DNAJC7: variants seen among roughly 807,000 people sequenced by gnomAD.
DNAJC7 encodes the protein dnaJ homolog subfamily C member 7.
DNAJC7 carries 18 observed loss-of-function variants against 67.4 expected under a neutral mutation model. That is an observed-to-expected ratio of 0.27 (90% CI 0.18 to 0.40). The LOEUF (loss-of-function observed/expected upper bound fraction) is 0.40. Among genes scored for constraint, DNAJC7 ranks in the 10% least tolerant of loss-of-function variants. The probability of loss-of-function intolerance (pLI) is 1.00; values close to 1 mark genes in which losing one functional copy is unlikely to be tolerated. For synonymous variants in DNAJC7, 220 were observed against 207.8 expected (o/e 1.06, Z -0.50); for missense variants, 419 against 613.8 (o/e 0.68, Z 3.35).
Position 41,976,487 on chromosome 17 carries a change from T to C in DNAJC7, c.*246A>G. On this transcript the variant is annotated 3_prime_UTR_variant, in exon 14 of 14. Transcript: ENST00000457167. Reference sequence around the variant, plus strand: ...TTTTTTTTTTCTTTTTTAATAAAGTTAAACAGTAAAACAAAAATTCACAAG... The same window carrying C: ...TTTTTTTTTTCTTTTTTAATAAAGTCAAACAGTAAAACAAAAATTCACAAG... 1 of 505,924 alleles carries C rather than the reference T, an allele frequency of 2.0e-6. No individual in the cohort carries two copies. The highest frequency in any genetic ancestry group is 3.7e-5 in the East Asian group (1 of 26,856). The allele number at this position is 505,924 out of a possible 1,614,324, so 31.3% of individuals were successfully genotyped here. A position where few individuals can be genotyped will look rare whatever the true frequency, so the allele number is the denominator to read the frequency against.
Position 41,995,989 on chromosome 17 carries a change from T to C in DNAJC7, c.405+322A>G, listed in dbSNP as rs543681230. Among the ~76,000 whole-genome samples the C allele has an allele frequency of 1.4e-3, 213 of 152,348 alleles. 1 individual carries two copies. Among genetic ancestry groups the C allele is most frequent in the African/African-American group, 4.9e-3 (202 of 41,584 alleles). Reference sequence around the variant, plus strand: ...GCCTGGCTAATGTAAAAAATTTTTTTGTGGAGACAGGGTCTCACTAAGTCC... The same window carrying C: ...GCCTGGCTAATGTAAAAAATTTTTTCGTGGAGACAGGGTCTCACTAAGTCC... On this transcript the variant is annotated intron_variant, in intron 4 of 13. Transcript: ENST00000457167.
intron 1 of DNAJC7, 36 bp downstream of exon 1, chr17:42,017,304 C>T: frequency 1.2e-6 from 2 of 1,610,036 alleles, no homozygotes; most frequent in Middle Eastern, 3.3e-4. Flanking sequence ...CACGGAGCTG[C>T]AGGTCGCCTC....
intron 2 of DNAJC7, among the ~76,000 whole-genome samples, chr17:41,997,925 T>G (rs1193498015): frequency 1.3e-5 from 2 of 152,150 alleles, no homozygotes; most frequent in Admixed American, 1.3e-4. Context: ...TGCAGTGGTA[T>G]GATCTCTGCT....
At chr17:41,980,690 G>A (rs139076648) in intron 12 of DNAJC7, among the ~76,000 whole-genome samples, 5 of 152,188 alleles carry the variant, frequency 3.3e-5, no homozygotes, top group African/African-American at 1.2e-4. Context: ...AAGCCACCGC[G>A]CCCAGCTCAC....
chr17:41,983,518 C>T (rs782208820), intron 10 of DNAJC7, 45 bp downstream of exon 10: 40 of 1,511,522 alleles, frequency 2.6e-5, no homozygotes, highest in African/African-American at 1.2e-4. Flanking sequence ...TTATGGCCTA[C>T]GAAGTCCACA....
chr17:41,990,130 G>T, intron 6 of DNAJC7, 134 bp downstream of exon 6: 1 of 791,120 alleles, frequency 1.3e-6, no homozygotes, highest in Non-Finnish European at 2.0e-6. Context: ...TCTAATCTTT[G>T]ACTTTAAGTC....
At chr17:42,002,842 G>A (rs1335048659) in intron 1 of DNAJC7, among the ~76,000 whole-genome samples, 1 of 152,114 alleles carries the variant, frequency 6.6e-6, no homozygotes, top group Non-Finnish European at 1.5e-5. Flanking sequence ...AAGACACACA[G>A]TACACCCCAC....
In DNAJC7 at chr17:41,982,157, T is replaced by A; in HGVS notation, c.1231+98A>T. 4 of 1,555,062 alleles carry A rather than the reference T, an allele frequency of 2.6e-6. No individual in the cohort carries two copies. In the South Asian group the frequency reaches 4.9e-5, roughly 19 times the overall value. Reference sequence around the variant, plus strand: ...AAGTCTGCAACACCTTATTCTCAGCTGAAGGACCTCTCCAAGGGGTCCCCT... The same window carrying A: ...AAGTCTGCAACACCTTATTCTCAGCAGAAGGACCTCTCCAAGGGGTCCCCT... On this transcript the variant is annotated intron_variant, in intron 11 of 13. Coordinates refer to ENST00000457167, the MANE Select transcript of DNAJC7 (RefSeq NM_003315.4).
At chr17:41,996,740 G>A (rs535929533) in intron 3 of DNAJC7, among the ~76,000 whole-genome samples, 1 of 152,254 alleles carries the variant, frequency 6.6e-6, no homozygotes, top group Admixed American at 6.5e-5. Context: ...CCGAGATCGC[G>A]CCACTGCACT....
rs369170177 is a variant in DNAJC7 at position 42,017,411 on chromosome 17, C to T, written c.6G>A (p.Ala2=). The change falls in exon 1 of 14, where the codon GCG becomes GCA. Residue 2 remains alanine (A), a synonymous_variant. Coordinates refer to ENST00000457167, the MANE Select transcript of DNAJC7 (RefSeq NM_003315.4). M[A]AAAECDVVMA... ...TTACCACATCGCACTCCGCGGCAGC[C>T]GCCATCTTACCGCCGGGACCAGAGA... The T allele has an allele frequency of 1.4e-5, 23 of 1,607,488 alleles. No individual in the cohort carries two copies. Among genetic ancestry groups the T allele is most frequent in the African/African-American group, 4.0e-5 (3 of 74,944 alleles).
intron 1 of DNAJC7, among the ~76,000 whole-genome samples, chr17:42,005,745 T>C (rs1042556259): frequency 5.3e-5 from 8 of 152,214 alleles, no homozygotes; most frequent in African/African-American, 1.9e-4. Flanking sequence ...TGATTTTGTT[T>C]TTTCTTTTTT....
At chr17:41,981,129 G>A (rs1288746018) in intron 12 of DNAJC7, among the ~76,000 whole-genome samples, 46 of 152,062 alleles carry the variant, frequency 3.0e-4, no homozygotes, top group Admixed American at 2.9e-3. Flanking sequence ...TCCACCTCCC[G>A]GGTTCAAGTA....
chr17:41,990,208 C>T, intron 6 of DNAJC7, 56 bp downstream of exon 6: 1 of 1,474,420 alleles, frequency 6.8e-7, no homozygotes. Flanking sequence ...AGCTGCCGGA[C>T]ACCATCAGTC....
chr17:42,006,816 A>AAAAAAAAAAAAC, intron 1 of DNAJC7, among the ~76,000 whole-genome samples: 5 of 122,678 alleles, frequency 4.1e-5, no homozygotes, highest in Non-Finnish European at 5.1e-5. Flanking sequence ...AAAAAAAAAA[A>AAAAAAAAAAAAC]AAGTCCAGGC....
intron 2 of DNAJC7, 41 bp from the exon 3 acceptor site, chr17:41,997,280 A>G: frequency 1.9e-6 from 3 of 1,597,750 alleles, no homozygotes; most frequent in Non-Finnish European, 2.6e-6. Flanking sequence ...AGTTTAGAAC[A>G]GGTCCCTGCT....
At position 41,977,315 on chromosome 17, in the gene DNAJC7, G is replaced by C. The variant is rs1048892061; in HGVS notation, c.1393C>G (p.Pro465Ala). Reference protein sequence around the residue: ...EEGMNMGDFDPNNIFKAFFGG... With the variant: ...EEGMNMGDFDANNIFKAFFGG... ...AAGAATGCCTTGAAGATATTGTTTG[G>C]ATCAAAATCTGTAGAGCAGGGCAAG... is the stretch of plus-strand genomic sequence containing the variant. The change falls in exon 13 of 14, where the codon CCA becomes GCA. Residue 465 changes from proline to alanine, a missense_variant. By Grantham distance (27) the Pro-to-Ala change is conservative (BLOSUM62 -1). This residue lies in a region of DNAJC7 where 161 missense variants were observed against 252.2 expected (regional missense o/e 0.64). Coordinates refer to ENST00000457167, the MANE Select transcript of DNAJC7 (RefSeq NM_003315.4). 2 of 1,580,308 alleles carry C rather than the reference G, an allele frequency of 1.3e-6. No homozygotes were observed. Among genetic ancestry groups the C allele is most frequent in the Admixed American group, 3.7e-5 (2 of 54,344 alleles).
chr17:42,008,265 CTG>C (rs1180591354), intron 1 of DNAJC7, among the ~76,000 whole-genome samples: 2 of 148,008 alleles, frequency 1.4e-5, no homozygotes, highest in Non-Finnish European at 3.0e-5. Context: ...TGAGCCGAGA[CTG>C]TGCCATTGCA....
intron 5 of DNAJC7, among the ~76,000 whole-genome samples, chr17:41,993,024 C>T (rs1199726440): frequency 3.9e-5 from 6 of 152,226 alleles, no homozygotes; most frequent in Admixed American, 2.0e-4. Context: ...ACAAAGACAA[C>T]TGTGGTTATT....
chr17:42,004,339 C>G (rs1399829000), intron 1 of DNAJC7, among the ~76,000 whole-genome samples: 1 of 152,138 alleles, frequency 6.6e-6, no homozygotes, highest in East Asian at 1.9e-4. Flanking sequence ...GTGAGGCAAC[C>G]AAGATGGCTG....
Sources: gnomAD v4.1 joint callset for allele counts (sites outside exome capture counted in the v4.1 genomes callset) on GRCh38, gnomAD v4.1.1 for gene constraint, gnomAD v4.1.1 regional missense constraint, MANE v1.5 for transcripts, NCBI Gene and HGNC (gene_info 2026-07-23, HGNC 2026-07-21) for gene names.